The following KCNQ3 variants were observed in gnomAD, a reference collection of about 807,000 sequenced individuals.
The protein encoded by KCNQ3 is potassium voltage-gated channel subfamily KQT member 3.
KCNQ3 carries 30 observed loss-of-function variants against 92.5 expected under a neutral mutation model. The ratio of observed to expected loss-of-function variants is 0.32; its 90% CI spans 0.24 to 0.44. KCNQ3 has a LOEUF of 0.44. KCNQ3 is among the 20% of genes least tolerant of loss of function. KCNQ3 has a pLI of 1.00. For missense variants in KCNQ3, 913 were observed against 1,140.3 expected (o/e 0.80, Z 2.87); for synonymous variants, 450 against 468.8 (o/e 0.96, Z 0.52).
At chr8:132,248,351 T>G (rs1025864637) in intron 1 of KCNQ3, among the ~76,000 whole-genome samples, 1 of 150,880 alleles carries the variant, frequency 6.6e-6, no homozygotes, top group South Asian at 2.1e-4. Flanking sequence ...TATATATATA[T>G]ATATATGATG....
At chr8:132,465,657 T>A (rs1587047662) in intron 1 of KCNQ3, among the ~76,000 whole-genome samples, 1 of 152,072 alleles carries the variant, frequency 6.6e-6, no homozygotes, top group Non-Finnish European at 1.5e-5. Context: ...GGCAGGAGAA[T>A]CACATGAACC....
intron 1 of KCNQ3, among the ~76,000 whole-genome samples, chr8:132,464,082 G>A (rs913019585): frequency 6.6e-6 from 1 of 152,214 alleles, no homozygotes; most frequent in Non-Finnish European, 1.5e-5. Context: ...CTACTCAGGA[G>A]GCTGAGGCAG....
intron 1 of KCNQ3, among the ~76,000 whole-genome samples, chr8:132,361,309 C>G (rs950155782): frequency 2.0e-5 from 3 of 152,216 alleles, no homozygotes; most frequent in African/African-American, 7.2e-5. Context: ...GCACGAACCT[C>G]CTCAGCTCCT....
At chr8:132,154,616 G>A (rs1825750139) in intron 9 of KCNQ3, among the ~76,000 whole-genome samples, 1 of 152,170 alleles carries the variant, frequency 6.6e-6, no homozygotes, top group South Asian at 2.1e-4. Context: ...ACCAGCCTGT[G>A]CAATGGGATG....
chr8:132,237,290 G>C (rs1027013619), intron 1 of KCNQ3, among the ~76,000 whole-genome samples: 4 of 151,992 alleles, frequency 2.6e-5, no homozygotes, highest in African/African-American at 9.7e-5. Context: ...TGATAATCAT[G>C]ATGATGATGA....
chr8:132,313,690 T>G (rs989014), intron 1 of KCNQ3, among the ~76,000 whole-genome samples: 120,113 of 152,002 alleles, frequency 0.79, 48,018 homozygotes, highest in East Asian at 0.92. Context: ...ACAAGATAAG[T>G]ACCTATATTA....
intron 1 of KCNQ3, among the ~76,000 whole-genome samples, chr8:132,270,994 G>A (rs559471686): frequency 6.6e-6 from 1 of 152,312 alleles, no homozygotes; most frequent in East Asian, 1.9e-4. Context: ...GCCTCTTAGT[G>A]ACTAAGAAAA....
intron 1 of KCNQ3, among the ~76,000 whole-genome samples, chr8:132,330,451 C>A (rs1040121033): frequency 6.6e-6 from 1 of 152,192 alleles, no homozygotes; most frequent in African/African-American, 2.4e-5. Flanking sequence ...TGCAGCTGTG[C>A]TGAGTGCTCC....
At chr8:132,315,221 C>A (rs984333253) in intron 1 of KCNQ3, among the ~76,000 whole-genome samples, 1 of 151,610 alleles carries the variant, frequency 6.6e-6, no homozygotes. Flanking sequence ...GTGGGGAAAA[C>A]GAGGGGAAGG....
Position 132,154,193 on chromosome 8 carries a change from G to GTTTT in KCNQ3, c.1262+9271_1262+9274dup, listed in dbSNP as rs869112851. 2.7e-3 allele frequency among the ~76,000 whole-genome samples: 74 copies of GTTTT among 27,468 alleles called. 5 individuals carry two copies. The highest frequency in any genetic ancestry group is 0.017 in the South Asian group (13 of 750). The allele number at this position is 27,468 out of a possible 152,430, so 18.0% of individuals were successfully genotyped here. A position where few individuals can be genotyped will look rare whatever the true frequency, so the allele number is the denominator to read the frequency against. On this transcript the variant is annotated intron_variant, in intron 9 of 14. Transcript: ENST00000388996. ...CTGATGTACCATCAAAAGGGTAAAAGTTTTTTTTTTTTTTTTTTTTTTTTT... is the reference window on the plus strand; with the variant it reads ...CTGATGTACCATCAAAAGGGTAAAAGTTTTTTTTTTTTTTTTTTTTTTTTTTTTT...
chr8:132,478,275 C>A (rs2130872509), intron 1 of KCNQ3, among the ~76,000 whole-genome samples: 1 of 152,244 alleles, frequency 6.6e-6, no homozygotes, highest in Non-Finnish European at 1.5e-5. Flanking sequence ...CTTCCCCAGA[C>A]TGGACAAGGC....
intron 8 of KCNQ3, among the ~76,000 whole-genome samples, chr8:132,167,205 T>C (rs1052970303): frequency 6.6e-6 from 1 of 152,240 alleles, no homozygotes; most frequent in South Asian, 2.1e-4. Flanking sequence ...GATTTCATTA[T>C]ACTATGAAAC....
chr8:132,277,350 A>G (rs1816366216), intron 1 of KCNQ3, among the ~76,000 whole-genome samples: 1 of 152,104 alleles, frequency 6.6e-6, no homozygotes, highest in Non-Finnish European at 1.5e-5. Context: ...TTCCTCCAAC[A>G]TCTGGCCAAG....
At chr8:132,158,671 G>T (rs1825884218) in intron 9 of KCNQ3, among the ~76,000 whole-genome samples, 1 of 152,174 alleles carries the variant, frequency 6.6e-6, no homozygotes, top group Non-Finnish European at 1.5e-5. Context: ...GTGACCTTCT[G>T]CAAGTCACTT....
At chr8:132,378,498 G>A (rs888983437) in intron 1 of KCNQ3, among the ~76,000 whole-genome samples, 5 of 152,154 alleles carry the variant, frequency 3.3e-5, no homozygotes, top group African/African-American at 1.2e-4. Context: ...TATCATCTTG[G>A]TGTTACTTTT....
intron 1 of KCNQ3, among the ~76,000 whole-genome samples, chr8:132,255,368 TG>T (rs1815551772): frequency 6.6e-6 from 1 of 152,192 alleles, no homozygotes; most frequent in Non-Finnish European, 1.5e-5. Flanking sequence ...AAACAAGCAG[TG>T]GCAATTGTTA....
At chr8:132,250,245 C>T (rs533245055) in intron 1 of KCNQ3, among the ~76,000 whole-genome samples, 41 of 152,288 alleles carry the variant, frequency 2.7e-4, no homozygotes, top group South Asian at 1.7e-3. Context: ...GGAAGAGAGT[C>T]TGACAGAGAA....
At chr8:132,279,768 A>G (rs368388928) in intron 1 of KCNQ3, among the ~76,000 whole-genome samples, 52 of 152,346 alleles carry the variant, frequency 3.4e-4, no homozygotes, top group African/African-American at 1.2e-3. Flanking sequence ...ATATCTGCAT[A>G]TCTACATGCA....
intron 1 of KCNQ3, among the ~76,000 whole-genome samples, chr8:132,405,032 A>C (rs980860869): frequency 6.6e-6 from 1 of 152,306 alleles, no homozygotes; most frequent in Middle Eastern, 3.4e-3. Context: ...TAGGAAGCCT[A>C]TATTTCCCAT....
Sources: allele counts gnomAD v4.1 joint callset (sites outside exome capture counted in the v4.1 genomes callset), GRCh38; gene constraint gnomAD v4.1.1; transcripts MANE v1.5; gene names NCBI Gene and HGNC (gene_info 2026-07-23, HGNC 2026-07-21).